SBF1: variants seen among roughly 807,000 people sequenced by gnomAD.
SBF1 encodes SET binding factor 1.
Under a neutral mutation model 215.8 loss-of-function variants are expected in SBF1, and 65 were observed. The observed-to-expected ratio is 0.30, with a 90% confidence interval of 0.25 to 0.37. The LOEUF is 0.37. Ranked by LOEUF, SBF1 falls within the 10% of genes least tolerant of loss-of-function variation. The pLI, the probability that SBF1 is intolerant of heterozygous loss-of-function variation, is 1.00. For missense variants in SBF1, 2,634 were observed against 2,667.8 expected (o/e 0.99, Z 0.28); for synonymous variants, 1,410 against 1,122.8 (o/e 1.26, Z -5.11).
chr22:50,473,084 G>A (rs964097314), intron 1 of SBF1, among the ~76,000 whole-genome samples: 2 of 152,122 alleles, frequency 1.3e-5, no homozygotes, highest in Non-Finnish European at 2.9e-5. Flanking sequence ...GTCACAGCCA[G>A]CTTGTTGTGG....
At position 50,474,991 on chromosome 22, in the gene SBF1, C is replaced by T. The variant is rs1369661097; in HGVS notation, c.-151G>A. The T allele has an allele frequency of 2.3e-5, 7 of 306,338 alleles. No homozygotes were observed. The highest frequency in any genetic ancestry group is 1.7e-4 in the South Asian group (2 of 11,682). 19.0% of individuals were successfully genotyped at this position (306,338 alleles called of 1,614,324 possible). ...GCGGCGGCGGCGGCGGCGGCGGCGGCGGCCCAGGTTCCCGCCGCCATCTTC... is the reference window on the plus strand; with the variant it reads ...GCGGCGGCGGCGGCGGCGGCGGCGGTGGCCCAGGTTCCCGCCGCCATCTTC... On this transcript the variant is annotated 5_prime_UTR_variant, in exon 1 of 41. Transcript: ENST00000380817.
In SBF1 at chr22:50,448,620, G is replaced by T; in HGVS notation, c.5074C>A (p.Gln1692Lys). Residue 1692 changes from glutamine to lysine, a missense_variant, in exon 37 of 41, where the codon CAA (glutamine) becomes AAA (lysine). Physicochemically the swap from Gln to Lys is moderately conservative, Grantham distance 53. Coordinates refer to ENST00000380817, the MANE Select transcript of SBF1 (RefSeq NM_002972.4). ...GTGTCCTTCCAGCGCTCAGCGGGTT[G>T]GCCCAACTCTGTCTCCAGCCTCTGC... ...ELQRLETELG[Q>K]PAERWKDTWD... 6.2e-7 allele frequency: 1 copy of T among 1,611,710 alleles called. No homozygotes were observed.
chr22:50,473,990 C>T (rs1286534364), intron 1 of SBF1, among the ~76,000 whole-genome samples: 1 of 152,200 alleles, frequency 6.6e-6, no homozygotes, highest in South Asian at 2.1e-4. Context: ...ACACCAAGCA[C>T]GCTCGCCAAC....
At chr22:50,468,075 G>A (rs2148606353) in intron 2 of SBF1, 152 bp from the exon 3 acceptor site, 2 of 979,672 alleles carry the variant, frequency 2.0e-6, no homozygotes, top group Non-Finnish European at 3.0e-6. Context: ...GGCCTCCTGG[G>A]CCTCAGTCTC....
rs79468232 is a variant in SBF1 at position 50,456,558 on chromosome 22, G to A, written c.4020C>T (p.Pro1340=). Residue 1340 remains proline, a synonymous_variant, in exon 30 of 41, where the codon CCC becomes CCT. Transcript: ENST00000380817. The stretch of plus-strand genomic sequence containing the variant: ...GCTGCGGACGCAGGAAGCCCGGGTC[G>A]GGAGGGCCCCCGTTGGCCTGGGGTG... The part of the protein sequence containing the change: ...LAPPQANGGP[P]DPGFLRPQRA... The A allele has an allele frequency of 0.053, 83,223 of 1,582,504 alleles. 2,522 individuals carry two copies. The highest frequency in any genetic ancestry group is 0.085 in the Middle Eastern group (501 of 5,902).
intron 31 of SBF1, 92 bp from the exon 32 acceptor site, chr22:50,455,674 C>A: frequency 1.9e-6 from 2 of 1,076,672 alleles, no homozygotes; most frequent in Non-Finnish European, 2.8e-6. Context: ...CCACAGGCAG[C>A]GGGGAGGCAG....
At position 50,475,005 on chromosome 22, in the gene SBF1, G is replaced by A. The variant is rs1193623556; in HGVS notation, c.-165C>T. 4 of 226,614 alleles carry A rather than the reference G, an allele frequency of 1.8e-5. 1 individual carries two copies. The highest frequency in any genetic ancestry group is 3.1e-4 in the East Asian group (2 of 6,426). 14.0% of individuals were successfully genotyped at this position (226,614 alleles called of 1,614,324 possible). A position where few individuals can be genotyped will look rare whatever the true frequency, so the allele number is the denominator to read the frequency against. ...GGCGGCGGCGGCGGCCCAGGTTCCC[G>A]CCGCCATCTTCCCAGCCAGCCGGCC... On this transcript the variant is annotated 5_prime_UTR_variant, in exon 1 of 41. Coordinates refer to ENST00000380817, the MANE Select transcript of SBF1 (RefSeq NM_002972.4).
chr22:50,446,815 TTC>T lies in SBF1; in HGVS notation c.*325_*326del, dbSNP rs113982913. 0.16 allele frequency: 105,258 copies of T among 665,790 alleles called. 9,511 individuals carry two copies. The highest frequency in any genetic ancestry group is 0.19 in the Non-Finnish European group (67,635 of 355,564). The allele number at this position is 665,790 out of a possible 1,614,324, so 41.2% of individuals were successfully genotyped here. A position where few individuals can be genotyped will look rare whatever the true frequency, so the allele number is the denominator to read the frequency against. On this transcript the variant is annotated 3_prime_UTR_variant, in exon 41 of 41. Coordinates refer to ENST00000380817, the MANE Select transcript of SBF1 (RefSeq NM_002972.4). ...GGCAGGCACAGGAGCGTGGCGTTAG[TTC>T]TCTCTTTATATAGACTCTGGTTCTA...
intron 1 of SBF1, among the ~76,000 whole-genome samples, chr22:50,472,726 C>A (rs1238592403): frequency 6.6e-6 from 1 of 152,192 alleles, no homozygotes; most frequent in Non-Finnish European, 1.5e-5. Context: ...ACGCCACACT[C>A]CTCTGCTTCT....
At chr22:50,468,666 C>A (rs1389663024) in intron 1 of SBF1, among the ~76,000 whole-genome samples, 1 of 152,026 alleles carries the variant, frequency 6.6e-6, no homozygotes, top group South Asian at 2.1e-4. Flanking sequence ...AAGCCCCTGC[C>A]GCTACACCCC....
rs754252298 is a variant in SBF1, at chr22:50,456,353, T to C, written c.4129A>G (p.Ile1377Val). 21 of 1,613,262 alleles carry C rather than the reference T, an allele frequency of 1.3e-5. No homozygotes were observed. The Admixed American group carries it at 2.0e-4, about 15-fold the overall frequency. ...ACCTGCCGTGCCTCGAATACCTCAA[T>C]GGGCACCAGCTCCCACTGCTGCAGG... ...DPLQQWELVP[I>V]EVFEARQVKA... Residue 1377 changes from isoleucine (I) to valine (V), a missense_variant, in exon 31 of 41, where the codon ATT (isoleucine) becomes GTT (valine). Transcript: ENST00000380817.
At position 50,453,118 on chromosome 22, in the gene SBF1, G is replaced by A. The variant is rs576967929; in HGVS notation, c.5043+1394C>T. ...CCAATTAAAAAAACCCATTAGACTG[G>A]ATAACAAGAAGACCCAACTACATCT... On this transcript the variant is annotated intron_variant, in intron 36 of 40. Transcript: ENST00000380817. 1.2e-4 allele frequency among the ~76,000 whole-genome samples: 19 copies of A among 152,146 alleles called. No homozygotes were observed. The South Asian group carries it at 1.9e-3, about 15-fold the overall frequency.
At position 50,447,109 on chromosome 22, in the gene SBF1, C is replaced by G. The variant is rs768458326; in HGVS notation, c.*33G>C. On this transcript the variant is annotated 3_prime_UTR_variant, in exon 41 of 41. Coordinates refer to ENST00000380817, the MANE Select transcript of SBF1 (RefSeq NM_002972.4). ...CCCACCCCTAGTGGTCGGTAACGAC[C>G]GGAAGCAGAGCAGCCGGGCAGGGCT... 2 of 1,586,482 alleles carry G rather than the reference C, an allele frequency of 1.3e-6. No homozygotes were observed. The highest frequency in any genetic ancestry group is 2.3e-5 in the East Asian group (1 of 44,018).
chr22:50,469,907 C>T (rs899879596), intron 1 of SBF1, among the ~76,000 whole-genome samples: 1 of 152,188 alleles, frequency 6.6e-6, no homozygotes, highest in Non-Finnish European at 1.5e-5. Flanking sequence ...CCAAGGAAGT[C>T]GGCAGTGGGC....
At chr22:50,459,145 C>G in intron 28 of SBF1, 110 bp downstream of exon 28, 1 of 1,431,776 alleles carries the variant, frequency 7.0e-7, no homozygotes, top group African/African-American at 1.4e-5. Context: ...ACCCAAACAT[C>G]CATGACCAGC....
rs6010102 is a variant in SBF1 at position 50,467,475 on chromosome 22, G to A, written c.439-27C>T. ...TGCAATGACCAGAGCGGGGAGTGGT[G>A]GGACAGCCGATGGAAGCACCCTCGT... On this transcript the variant is annotated intron_variant, in intron 4 of 40. Coordinates refer to ENST00000380817, the MANE Select transcript of SBF1 (RefSeq NM_002972.4). 21,231 of 1,613,882 alleles carry A rather than the reference G, an allele frequency of 0.013. 2,432 individuals are homozygous for A. The African/African-American group carries it at 0.25, about 19-fold the overall frequency.
chr22:50,459,118 C>A, intron 28 of SBF1, 137 bp downstream of exon 28: 1 of 1,281,702 alleles, frequency 7.8e-7, no homozygotes, highest in Non-Finnish European at 1.1e-6. Flanking sequence ...ACCCGGAGGG[C>A]ATGCTCCTCA....
intron 1 of SBF1, among the ~76,000 whole-genome samples, chr22:50,471,494 C>T (rs930661944): frequency 2.6e-4 from 39 of 152,340 alleles, no homozygotes; most frequent in Admixed American, 2.4e-3. Context: ...CACCACACTC[C>T]CCACAGTGCA....
In SBF1 at chr22:50,446,815, T is replaced by A. The variant is rs1569507508; in HGVS notation, c.*327A>T. On this transcript the variant is annotated 3_prime_UTR_variant, in exon 41 of 41. Transcript: ENST00000380817. ...GGCAGGCACAGGAGCGTGGCGTTAGTTCTCTCTTTATATAGACTCTGGTTC... is the reference window on the plus strand; with the variant it reads ...GGCAGGCACAGGAGCGTGGCGTTAGATCTCTCTTTATATAGACTCTGGTTC... 4 of 666,328 alleles carry A rather than the reference T, an allele frequency of 6.0e-6. No individual in the cohort carries two copies. Among genetic ancestry groups the A allele is most frequent in the Non-Finnish European group, 1.1e-5 (4 of 355,962 alleles). The allele number at this position is 666,328 out of a possible 1,614,324, so 41.3% of individuals were successfully genotyped here.
Sources: allele counts gnomAD v4.1 joint callset (sites outside exome capture counted in the v4.1 genomes callset), GRCh38; gene constraint gnomAD v4.1.1; transcripts MANE v1.5; gene names NCBI Gene and HGNC (gene_info 2026-07-23, HGNC 2026-07-21).